Variants in PCNT observed in about 807,000 individuals in gnomAD.
The protein encoded by PCNT is pericentrin.
Under a neutral mutation model 380.4 loss-of-function variants are expected in PCNT, and 319 were observed. That is an observed-to-expected ratio of 0.84 (90% CI 0.77 to 0.92). The LOEUF (loss-of-function observed/expected upper bound fraction) is 0.92, where lower values mean the gene tolerates loss of function less well. Among genes scored for constraint, PCNT ranks in the 40% least tolerant of loss-of-function variants. PCNT has a pLI of 0.00. For missense variants in PCNT, 4,400 were observed against 4,255.3 expected, an observed-to-expected ratio of 1.03 and a Z score of -0.95; for synonymous variants, 1,845 against 1,735.2, an observed-to-expected ratio of 1.06 and a Z score of -1.57.
intron 29 of PCNT, among the ~76,000 whole-genome samples, chr21:46,415,847 C>T (rs2087006223): frequency 2.0e-5 from 3 of 152,216 alleles, no homozygotes; most frequent in Non-Finnish European, 4.4e-5. Flanking sequence ...CTTGTGTCCT[C>T]AATCACCGCA....
intron 32 of PCNT, among the ~76,000 whole-genome samples, chr21:46,424,758 G>A (rs1340113358): frequency 9.9e-5 from 5 of 50,274 alleles, no homozygotes; most frequent in East Asian, 8.1e-4. Context: ...TGCTCCCCCC[G>A]TCTCCGCTCC....
At chr21:46,442,671 C>T (rs747208905) in intron 44 of PCNT, 98 bp downstream of exon 44, 8 of 803,852 alleles carry the variant, frequency 1.0e-5, no homozygotes, top group Non-Finnish European at 1.5e-5. Flanking sequence ...TTGATGGGGA[C>T]GTAATAAAGC....
Position 46,398,038 on chromosome 21 carries a change from G to C in PCNT, c.4471G>C (p.Glu1491Gln). 6.3e-7 allele frequency: 1 copy of C among 1,591,426 alleles called. No individual in the cohort carries two copies. Among genetic ancestry groups the C allele is most frequent in the Non-Finnish European group, 8.5e-7 (1 of 1,170,318 alleles). ...MDEQAAEREH[E>Q]REEFQQEIQR... ...GGAGCAGGCAGCCGAGCGGGAGCAC[G>C]AGCGCGAGGAGTTCCAGCAGGAGAT... The change falls in exon 23 of 47, where the codon GAG (glutamate) becomes CAG (glutamine). Residue 1491 changes from glutamate to glutamine, a missense_variant. By Grantham distance (29) the Glu-to-Gln change is conservative. Coordinates refer to ENST00000359568, the MANE Select transcript of PCNT (RefSeq NM_006031.6).
chr21:46,438,950 T>C (rs1478417555), intron 41 of PCNT, among the ~76,000 whole-genome samples: 1 of 152,190 alleles, frequency 6.6e-6, no homozygotes, highest in Non-Finnish European at 1.5e-5. Flanking sequence ...ATTACAGACA[T>C]GAGCCACCGT....
Position 46,383,590 on chromosome 21 carries a change from C to T in PCNT, c.3312+1750C>T, listed in dbSNP as rs559919404. Among the ~76,000 whole-genome samples the T allele has an allele frequency of 2.4e-4, 34 of 143,058 alleles. 3 individuals carry two copies. In the South Asian group the frequency reaches 8.1e-3, roughly 34 times the overall value. The allele number at this position is 143,058 out of a possible 152,430, so 93.9% of individuals were successfully genotyped here. On this transcript the variant is annotated intron_variant, in intron 16 of 46. Coordinates refer to ENST00000359568, the MANE Select transcript of PCNT (RefSeq NM_006031.6). ...AAGTGCATTCACAGTGCTGTGCATTCAGCAGCGGAAGCGCATTCATGGTGT... is the reference window on the plus strand; with the variant it reads ...AAGTGCATTCACAGTGCTGTGCATTTAGCAGCGGAAGCGCATTCATGGTGT...
In PCNT at chr21:46,436,933, C is replaced by G. The variant is rs372300567; in HGVS notation, c.8997-46C>G. ...CTCTTGTTTAGTTTTGCATAATGGT[C>G]ACTTGGGGCGCGTATGCAACTTTGA... On this transcript the variant is annotated intron_variant, in intron 39 of 46. Transcript: ENST00000359568. 1.9e-5 allele frequency: 25 copies of G among 1,349,388 alleles called. No homozygotes were observed. In the African/African-American group the frequency reaches 3.0e-4, roughly 16 times the overall value. The allele number at this position is 1,349,388 out of a possible 1,614,324, so 83.6% of individuals were successfully genotyped here. A position where few individuals can be genotyped will look rare whatever the true frequency, so the allele number is the denominator to read the frequency against.
intron 11 of PCNT, among the ~76,000 whole-genome samples, chr21:46,354,817 C>T (rs1288522098): frequency 6.6e-6 from 1 of 152,172 alleles, no homozygotes; most frequent in African/African-American, 2.4e-5. Context: ...GTTTGAGTTC[C>T]CTGCAAAGCG....
rs17371795 is a variant in PCNT, at chr21:46,435,963, A to G, written c.8811A>G (p.Thr2937=). 203,268 of 1,614,024 alleles carry G rather than the reference A, an allele frequency of 0.13. 13,937 individuals are homozygous for G. The highest frequency in any genetic ancestry group is 0.22 in the East Asian group (9,880 of 44,836). Reference sequence around the variant, plus strand: ...ATAAGATCAAGCAGCTTCAGCAGACAGTGAGAGACCTGGAGTCGAAGGACG... The same window carrying G: ...ATAAGATCAAGCAGCTTCAGCAGACGGTGAGAGACCTGGAGTCGAAGGACG... ...DLHKIKQLQQ[T]VRDLESKDEV... is the part of the protein sequence containing the mutation. Residue 2937 remains threonine, a synonymous_variant, in exon 39 of 47, where the codon ACA becomes ACG. Transcript: ENST00000359568.
intron 9 of PCNT, among the ~76,000 whole-genome samples, chr21:46,352,419 C>T (rs1291689606): frequency 2.0e-5 from 3 of 152,164 alleles, no homozygotes; most frequent in Non-Finnish European, 4.4e-5. Context: ...GCCACAGGCA[C>T]AGCTGCTCCC....
Position 46,432,204 on chromosome 21 carries a change from A to G in PCNT, c.8740A>G (p.Lys2914Glu). 1 of 1,610,154 alleles carries G rather than the reference A, an allele frequency of 6.2e-7. No homozygotes were observed. Among genetic ancestry groups the G allele is most frequent in the Non-Finnish European group, 8.5e-7 (1 of 1,178,960 alleles). The change falls in exon 38 of 47, where the codon AAG (lysine) becomes GAG (glutamate). Residue 2914 changes from lysine to glutamate, a missense_variant. Lys to Glu is a moderately conservative substitution (Grantham distance 56). Coordinates refer to ENST00000359568, the MANE Select transcript of PCNT (RefSeq NM_006031.6). ...AEQWRKWQRD[K>E]EKLRELELQR... ...GCAGTGGAGGAAGTGGCAGAGAGAC[A>G]AGGAGAAGCTGGTGAGAGCCGCCTG...
chr21:46,421,190 C>T (rs943168982), intron 31 of PCNT, among the ~76,000 whole-genome samples: 6 of 152,268 alleles, frequency 3.9e-5, no homozygotes, highest in Non-Finnish European at 5.9e-5. Context: ...AGTGTGCCCT[C>T]TGCTCAGCAG....
Position 46,366,955 on chromosome 21 carries a change from G to T in PCNT, c.2981G>T (p.Arg994Leu). Residue 994 changes from arginine (R) to leucine (L), a missense_variant, in exon 15 of 47, where the codon CGA becomes CTA. Arg to Leu is a moderately radical substitution (Grantham distance 102). Coordinates refer to ENST00000359568, the MANE Select transcript of PCNT (RefSeq NM_006031.6). ...EEHRQALELL[R>L]ADFEEQLWKK... Reference sequence around the variant, plus strand: ...CACAGGCAGGCCCTAGAGCTCTTACGAGCAGACTTTGAGGAACAACTGTGG... The same window carrying T: ...CACAGGCAGGCCCTAGAGCTCTTACTAGCAGACTTTGAGGAACAACTGTGG... The T allele has an allele frequency of 6.2e-7, 1 of 1,614,210 alleles. No individual in the cohort carries two copies. The highest frequency in any genetic ancestry group is 1.1e-5 in the South Asian group (1 of 91,082).
chr21:46,363,749 G>C lies in PCNT; in HGVS notation c.2424G>C (p.Leu808=), dbSNP rs766379128. The change falls in exon 14 of 47, where the codon CTG becomes CTC. Residue 808 remains leucine (L), a synonymous_variant. Coordinates refer to ENST00000359568, the MANE Select transcript of PCNT (RefSeq NM_006031.6). ...AGGACCAACAGGCAGCCCAGATCCTGGATCTGGAGAGGTCCTTGACGGAGC... is the reference window on the plus strand; with the variant it reads ...AGGACCAACAGGCAGCCCAGATCCTCGATCTGGAGAGGTCCTTGACGGAGC... The part of the protein sequence containing the change: ...QLQDQQAAQI[L]DLERSLTEQQ... 1.5e-5 allele frequency: 25 copies of C among 1,614,098 alleles called. No individual in the cohort carries two copies. The Admixed American group carries it at 4.0e-4, about 26-fold the overall frequency.
chr21:46,348,079 T>G (rs796690352), intron 6 of PCNT, among the ~76,000 whole-genome samples: 43 of 152,304 alleles, frequency 2.8e-4, no homozygotes, highest in African/African-American at 9.6e-4. Context: ...TGGGTGTTAG[T>G]CCAGGCTTGG....
intron 15 of PCNT, among the ~76,000 whole-genome samples, chr21:46,370,828 G>A (rs2085096720): frequency 6.6e-6 from 1 of 152,174 alleles, no homozygotes; most frequent in African/African-American, 2.4e-5. Context: ...GAGGTCAGGA[G>A]ATCAAGACCG....
At chr21:46,372,788 A>G (rs868274126) in intron 15 of PCNT, among the ~76,000 whole-genome samples, 7 of 152,318 alleles carry the variant, frequency 4.6e-5, no homozygotes, top group South Asian at 4.1e-4. Flanking sequence ...GGTGCTGCCC[A>G]GTGTGGACAC....
intron 7 of PCNT, 24 bp from the exon 8 acceptor site, chr21:46,349,660 A>C: frequency 3.1e-6 from 5 of 1,612,518 alleles, no homozygotes; most frequent in Non-Finnish European, 4.2e-6. Flanking sequence ...TTGTAAACCA[A>C]GTGCCATTGC....
In PCNT at chr21:46,437,016, G is replaced by A. The variant is rs762244932; in HGVS notation, c.9034G>A (p.Val3012Met). Reference protein sequence around the residue: ...NDWTSSNEKAVMSLLHTLEEL... With the variant: ...NDWTSSNEKAMMSLLHTLEEL... Reference sequence around the variant, plus strand: ...TTGGACGTCATCCAATGAGAAAGCAGTGATGTCTTTACTGCACACGTTGGA... The same window carrying A: ...TTGGACGTCATCCAATGAGAAAGCAATGATGTCTTTACTGCACACGTTGGA... The change falls in exon 40 of 47, where the codon GTG becomes ATG. Residue 3012 changes from valine (V) to methionine (M), a missense_variant. Val to Met is a conservative substitution (Grantham distance 21). Transcript: ENST00000359568. 1.9e-6 allele frequency: 3 copies of A among 1,614,188 alleles called. No individual in the cohort carries two copies. The Admixed American group carries it at 5.0e-5, about 27-fold the overall frequency.
chr21:46,429,437 C>T (rs573117762), intron 35 of PCNT, among the ~76,000 whole-genome samples: 6 of 69,722 alleles, frequency 8.6e-5, no homozygotes, highest in African/African-American at 1.8e-4. Flanking sequence ...TGCACGTGCT[C>T]GTGAGGGGCA....
Sources: allele counts gnomAD v4.1 joint callset (sites outside exome capture counted in the v4.1 genomes callset), GRCh38; gene constraint gnomAD v4.1.1; transcripts MANE v1.5; gene names NCBI Gene and HGNC (gene_info 2026-07-23, HGNC 2026-07-21).